B3GALT1: variants seen among roughly 807,000 people sequenced by gnomAD.
The protein encoded by B3GALT1 is UDP-Gal:betaGlcNAc beta 1,3-galactosyltransferase, polypeptide 1.
Under a neutral mutation model 23.2 loss-of-function variants are expected in B3GALT1, and 10 were observed. The ratio of observed to expected loss-of-function variants is 0.43; its 90% CI spans 0.27 to 0.73. The LOEUF is 0.73. Among genes scored for constraint, B3GALT1 ranks in the 30% least tolerant of loss-of-function variants. The pLI is 0.21. For missense variants in B3GALT1, 299 were observed against 405.4 expected (o/e 0.74, Z 2.25); for synonymous variants, 156 against 141.5 (o/e 1.10, Z -0.73).
intron 1 of B3GALT1, among the ~76,000 whole-genome samples, chr2:167,440,158 A>G (rs1004984233): frequency 2.0e-5 from 3 of 151,972 alleles, no homozygotes; most frequent in Non-Finnish European, 4.4e-5. Context: ...CCTGGCTAAC[A>G]TGGTGAAACC....
At chr2:167,565,996 A>T (rs921347741) in intron 2 of B3GALT1, among the ~76,000 whole-genome samples, 5 of 152,108 alleles carry the variant, frequency 3.3e-5, no homozygotes, top group African/African-American at 1.2e-4. Context: ...CCATCCCATG[A>T]CTGGGTATAT....
chr2:167,400,422 A>G (rs939534217), intron 1 of B3GALT1, among the ~76,000 whole-genome samples: 17 of 151,832 alleles, frequency 1.1e-4, no homozygotes, highest in Non-Finnish European at 1.5e-4. Context: ...TATTTTGCTC[A>G]TATTTTCCAT....
chr2:167,303,825 A>G (rs1249662262), intron 1 of B3GALT1, among the ~76,000 whole-genome samples: 1 of 152,066 alleles, frequency 6.6e-6, no homozygotes, highest in Non-Finnish European at 1.5e-5. Flanking sequence ...TCCATGAGCA[A>G]TTCAGAGTTT....
chr2:167,355,186 T>C (rs1378202136), intron 1 of B3GALT1, among the ~76,000 whole-genome samples: 1 of 152,358 alleles, frequency 6.6e-6, no homozygotes. Context: ...CTTTTCAACA[T>C]GTCTCAGGAT....
At chr2:167,441,816 C>A (rs1399031285) in intron 1 of B3GALT1, among the ~76,000 whole-genome samples, 1 of 151,292 alleles carries the variant, frequency 6.6e-6, no homozygotes, top group South Asian at 2.1e-4. Flanking sequence ...TCATTTGGGT[C>A]CAGAAGTTCA....
chr2:167,344,141 A>G (rs1436361714), intron 1 of B3GALT1, among the ~76,000 whole-genome samples: 3 of 152,226 alleles, frequency 2.0e-5, no homozygotes, highest in Admixed American at 1.3e-4. Context: ...TACAATATCA[A>G]TGTAACAAGT....
At chr2:167,713,710 A>C in intron 3 of B3GALT1, 1 of 1,518,352 alleles carries the variant, frequency 6.6e-7, no homozygotes, top group Non-Finnish European at 9.1e-7. Context: ...TGAAGGTGGA[A>C]TCAACCCTCA....
chr2:167,806,806 G>T (rs542734039), intron 3 of B3GALT1, among the ~76,000 whole-genome samples: 6 of 152,244 alleles, frequency 3.9e-5, no homozygotes, highest in Admixed American at 2.0e-4. Flanking sequence ...CCAGGCTTTG[G>T]TATCAGGATG....
At chr2:167,512,293 A>G (rs868639093) in intron 2 of B3GALT1, among the ~76,000 whole-genome samples, 1 of 151,502 alleles carries the variant, frequency 6.6e-6, no homozygotes, top group Admixed American at 6.6e-5. Context: ...CTAGGCTGCT[A>G]TGAGTTATGA....
At chr2:167,659,909 T>C (rs1686026224) in intron 3 of B3GALT1, among the ~76,000 whole-genome samples, 1 of 152,042 alleles carries the variant, frequency 6.6e-6, no homozygotes, top group Non-Finnish European at 1.5e-5. Flanking sequence ...GTAGTAGTGA[T>C]TATTTCCCCC....
chr2:167,353,214 T>C (rs1697345197), intron 1 of B3GALT1, among the ~76,000 whole-genome samples: 1 of 152,158 alleles, frequency 6.6e-6, no homozygotes, highest in Non-Finnish European at 1.5e-5. Flanking sequence ...AAACTGAATA[T>C]ATACAGGATA....
At chr2:167,861,594 C>A (rs567148728) in intron 4 of B3GALT1, among the ~76,000 whole-genome samples, 24 of 152,146 alleles carry the variant, frequency 1.6e-4, no homozygotes, top group Non-Finnish European at 2.9e-4. Context: ...AAGACTGAAC[C>A]AGAGATAGCA....
At chr2:167,820,085 CTGAG>C (rs1689075384) in intron 4 of B3GALT1, among the ~76,000 whole-genome samples, 1 of 152,130 alleles carries the variant, frequency 6.6e-6, no homozygotes, top group Middle Eastern at 3.2e-3. Context: ...GACAAATATA[CTGAG>C]TATTTTAAAT....
chr2:167,465,549 G>GTTA (rs1389638735), intron 1 of B3GALT1, among the ~76,000 whole-genome samples: 2 of 152,084 alleles, frequency 1.3e-5, no homozygotes, highest in East Asian at 1.9e-4. Flanking sequence ...CTTGCATCTT[G>GTTA]TTAATAAGGT....
chr2:167,770,265 C>T (rs1487508972), intron 3 of B3GALT1, among the ~76,000 whole-genome samples: 1 of 152,146 alleles, frequency 6.6e-6, no homozygotes, highest in Non-Finnish European at 1.5e-5. Context: ...TGCCACCGCA[C>T]CTGGCTGTTT....
rs1699333747 is a variant in B3GALT1, at chr2:167,465,704, A to G, written c.-510-24473A>G. 3.3e-5 allele frequency among the ~76,000 whole-genome samples: 5 copies of G among 152,184 alleles called. No individual in the cohort carries two copies. The South Asian group carries it at 1.0e-3, about 32-fold the overall frequency. On this transcript the variant is annotated intron_variant, in intron 1 of 4. Transcript: ENST00000392690. ...TAGACCACAGCAGATATATATTTAA[A>G]TGTATTTCAAAAAGAACGCCAAGAA...
chr2:167,760,320 T>C (rs1168918767), intron 3 of B3GALT1, among the ~76,000 whole-genome samples: 2 of 152,204 alleles, frequency 1.3e-5, no homozygotes, highest in African/African-American at 4.8e-5. Flanking sequence ...TCACAACTTA[T>C]AATATTAACT....
At chr2:167,519,799 C>T (rs1380320712) in intron 2 of B3GALT1, among the ~76,000 whole-genome samples, 8 of 152,098 alleles carry the variant, frequency 5.3e-5, no homozygotes, top group Non-Finnish European at 5.9e-5. Context: ...TGGCCATGCA[C>T]GGTGGCTCAC....
chr2:167,645,263 G>C (rs1470674692), intron 2 of B3GALT1, among the ~76,000 whole-genome samples: 1 of 152,080 alleles, frequency 6.6e-6, no homozygotes, highest in African/African-American at 2.4e-5. Flanking sequence ...ATCTTTTCTA[G>C]CAATACTTTT....
Sources: allele counts gnomAD v4.1 joint callset (sites outside exome capture counted in the v4.1 genomes callset), GRCh38; gene constraint gnomAD v4.1.1; transcripts MANE v1.5; gene names NCBI Gene and HGNC (gene_info 2026-07-23, HGNC 2026-07-21).